Variants in ADGRG6 observed in about 807,000 individuals in gnomAD.
ADGRG6 encodes the protein G-protein coupled receptor 126.
In ADGRG6, 84 loss-of-function variants were observed where a neutral mutation model predicts 142.4. The observed-to-expected ratio is 0.59, with a 90% CI of 0.49 to 0.71. ADGRG6 has a LOEUF of 0.71. Ranked by LOEUF, ADGRG6 falls within the 30% of genes least tolerant of loss-of-function variation. The pLI is 0.00. For missense variants in ADGRG6, 1,367 were observed against 1,466.6 expected, an observed-to-expected ratio of 0.93 and a Z score of 1.11; for synonymous variants, 521 against 520.5, an observed-to-expected ratio of 1.00 and a Z score of -0.01.
At chr6:142,400,642 C>A in intron 11 of ADGRG6, 46 bp downstream of exon 11, 1 of 961,660 alleles carries the variant, frequency 1.0e-6, no homozygotes, top group Non-Finnish European at 1.7e-6. Context: ...ATGTTATCAG[C>A]CTTCCCAGGG....
chr6:142,315,968 T>C (rs1444026818), intron 2 of ADGRG6, among the ~76,000 whole-genome samples: 1 of 152,100 alleles, frequency 6.6e-6, no homozygotes, highest in Non-Finnish European at 1.5e-5. Flanking sequence ...GAATAAAGTA[T>C]CCCAGTGGGG....
At chr6:142,391,434 T>TACACACACACACACACACACAC (rs35253608) in intron 7 of ADGRG6, among the ~76,000 whole-genome samples, 1 of 132,378 alleles carries the variant, frequency 7.6e-6, no homozygotes, top group African/African-American at 2.7e-5. Context: ...AAGTGGTAGC[T>TACACACACACACACACACACAC]ACACACACAC....
At chr6:142,401,921 TA>T (rs1775546602) in intron 11 of ADGRG6, 72 bp from the exon 12 acceptor site, 1 of 695,374 alleles carries the variant, frequency 1.4e-6, no homozygotes, top group East Asian at 2.8e-5. Context: ...ATATATCATG[TA>T]AAAATCCCTT....
At chr6:142,391,620 C>T (rs763705452) in intron 7 of ADGRG6, among the ~76,000 whole-genome samples, 3 of 151,608 alleles carry the variant, frequency 2.0e-5, no homozygotes, top group Non-Finnish European at 4.4e-5. Context: ...AAGGTGAAAT[C>T]CTCTACTGAA....
At position 142,438,224 on chromosome 6, in the gene ADGRG6, C is replaced by T; in HGVS notation, c.3434C>T (p.Thr1145Ile). The change falls in exon 24 of 25, where the codon ACA becomes ATA. Residue 1145 changes from threonine (T) to isoleucine (I), a missense_variant. Coordinates refer to ENST00000367609, the MANE Select transcript of ADGRG6 (RefSeq NM_198569.3). ...TTTTTTTTTTCAGATTGGAGTAAGA[C>T]AGCTACCAATATCATCAAGAAAAGT... ...RLADNSDWSK[T>I]ATNIIKKSSD... The T allele has an allele frequency of 6.3e-7, 1 of 1,589,362 alleles. No homozygotes were observed. The highest frequency in any genetic ancestry group is 8.6e-7 in the Non-Finnish European group (1 of 1,167,024).
chr6:142,336,552 GCTA>G (rs1332851255), intron 2 of ADGRG6, among the ~76,000 whole-genome samples: 1 of 152,088 alleles, frequency 6.6e-6, no homozygotes, highest in Non-Finnish European at 1.5e-5. Flanking sequence ...TACAAAACAT[GCTA>G]CTGATAATCA....
chr6:142,434,407 C>T (rs1331802932), intron 22 of ADGRG6, among the ~76,000 whole-genome samples: 1 of 151,506 alleles, frequency 6.6e-6, no homozygotes, highest in African/African-American at 2.4e-5. Context: ...TCACTGCAAC[C>T]TCCGCCTCCC....
At chr6:142,338,013 C>CTTTGTTTTTTTTTTTTTGTTTGTTTG (rs1779408535) in intron 2 of ADGRG6, among the ~76,000 whole-genome samples, 2 of 26,044 alleles carry the variant, frequency 7.7e-5, no homozygotes, top group African/African-American at 3.6e-4. Context: ...TGCCTTGTAT[C>CTTTGTTTTTTTTTTTTTGTTTGTTTG]TTTGTTTTTT....
chr6:142,440,195 A>G (rs557461289), intron 24 of ADGRG6, among the ~76,000 whole-genome samples: 13 of 152,222 alleles, frequency 8.5e-5, no homozygotes, highest in Non-Finnish European at 1.9e-4. Context: ...AGAAGATAAA[A>G]GAGGAAATGC....
At chr6:142,355,318 G>A (rs1378830455) in intron 2 of ADGRG6, among the ~76,000 whole-genome samples, 1 of 151,972 alleles carries the variant, frequency 6.6e-6, no homozygotes, top group African/African-American at 2.4e-5. Context: ...AGAGTGGGGA[G>A]ACTATACTGT....
intron 2 of ADGRG6, among the ~76,000 whole-genome samples, chr6:142,333,074 G>A (rs1307752661): frequency 6.6e-6 from 1 of 152,200 alleles, no homozygotes; most frequent in African/African-American, 2.4e-5. Context: ...TGATTGAAAT[G>A]GTGATAAGTG....
At chr6:142,390,921 G>A (rs931712316) in intron 7 of ADGRG6, among the ~76,000 whole-genome samples, 37 of 151,520 alleles carry the variant, frequency 2.4e-4, no homozygotes, top group East Asian at 5.8e-4. Context: ...GTTCTATACC[G>A]TACTTATTTT....
chr6:142,318,326 ATATATATTTATAT>A (rs941637158), intron 2 of ADGRG6, among the ~76,000 whole-genome samples: 3 of 91,450 alleles, frequency 3.3e-5, no homozygotes, highest in South Asian at 2.6e-4. Flanking sequence ...TTTATATATT[ATATATATTTATAT>A]TATATATTTA....
chr6:142,366,473 T>C (rs922360059), intron 2 of ADGRG6, among the ~76,000 whole-genome samples: 1 of 152,210 alleles, frequency 6.6e-6, no homozygotes, highest in Non-Finnish European at 1.5e-5. Context: ...TGTCACCTCT[T>C]TGGAGAACCA....
intron 2 of ADGRG6, among the ~76,000 whole-genome samples, chr6:142,334,465 G>T (rs1341289554): frequency 1.3e-5 from 2 of 152,188 alleles, no homozygotes; most frequent in Non-Finnish European, 2.9e-5. Context: ...ACACGTAGCA[G>T]AAGCCCAAGT....
chr6:142,424,846 G>C (rs1776860831), intron 22 of ADGRG6, among the ~76,000 whole-genome samples: 1 of 152,010 alleles, frequency 6.6e-6, no homozygotes, highest in African/African-American at 2.4e-5. Context: ...TTGCTCTATA[G>C]AAATTACCTT....
intron 14 of ADGRG6, among the ~76,000 whole-genome samples, chr6:142,404,871 G>A (rs200038348): frequency 6.6e-6 from 1 of 152,126 alleles, no homozygotes; most frequent in East Asian, 1.9e-4. Flanking sequence ...ACATAAGCTG[G>A]GGCTGGATTA....
At chr6:142,344,952 G>A in intron 2 of ADGRG6, among the ~76,000 whole-genome samples, 1 of 152,070 alleles carries the variant, frequency 6.6e-6, no homozygotes, top group African/African-American at 2.4e-5. Context: ...CAAATACAGA[G>A]TACTTCCAAA....
At chr6:142,417,130 A>G (rs1437210756) in intron 20 of ADGRG6, 143 bp from the exon 21 acceptor site, 2 of 698,144 alleles carry the variant, frequency 2.9e-6, no homozygotes, top group Non-Finnish European at 5.3e-6. Context: ...TGCCATTTCT[A>G]AGAAGTTTGA....
Sources: allele counts gnomAD v4.1 joint callset (sites outside exome capture counted in the v4.1 genomes callset), GRCh38; gene constraint gnomAD v4.1.1; transcripts MANE v1.5; gene names NCBI Gene and HGNC (gene_info 2026-07-23, HGNC 2026-07-21).